QTMAN: variants seen among roughly 807,000 people sequenced by gnomAD.
The protein encoded by QTMAN is tRNA-queuosine alpha-mannosyltransferase.
the QTMAN span, among the ~76,000 whole-genome samples, chr2:143,984,317 C>A: frequency 6.6e-6 from 1 of 152,094 alleles, no homozygotes; most frequent in Non-Finnish European, 1.5e-5. Context: ...GAAAAAGCTG[C>A]CAAAGATAAT....
At chr2:144,102,671 G>C in the QTMAN span, among the ~76,000 whole-genome samples, 2 of 152,198 alleles carry the variant, frequency 1.3e-5, no homozygotes, top group Non-Finnish European at 2.9e-5. Flanking sequence ...ATCTGCTTAA[G>C]AATACACTCT....
At chr2:144,085,103 A>T in the QTMAN span, among the ~76,000 whole-genome samples, 1 of 152,250 alleles carries the variant, frequency 6.6e-6, no homozygotes. Flanking sequence ...TTTTCTGTAA[A>T]GAACTAGATT....
chr2:144,331,850 G>A, the QTMAN span, among the ~76,000 whole-genome samples: 11 of 152,226 alleles, frequency 7.2e-5, no homozygotes, highest in African/African-American at 2.2e-4. Context: ...GGCTGGCAGA[G>A]AGGAGTGGGG....
chr2:144,231,205 T>C, the QTMAN span, among the ~76,000 whole-genome samples: 12 of 152,164 alleles, frequency 7.9e-5, no homozygotes, highest in African/African-American at 2.9e-4. Context: ...TTACTCATTT[T>C]GACCACATAA....
the QTMAN span, among the ~76,000 whole-genome samples, chr2:144,301,389 C>T: frequency 6.6e-6 from 1 of 152,056 alleles, no homozygotes; most frequent in Non-Finnish European, 1.5e-5. Context: ...CGCCCAGCTA[C>T]TTTTTGTACT....
the QTMAN span, among the ~76,000 whole-genome samples, chr2:144,227,811 A>G: frequency 1.3e-5 from 2 of 152,204 alleles, no homozygotes; most frequent in Non-Finnish European, 2.9e-5. Context: ...ACTCATTCTA[A>G]TTCCCATTCT....
At chr2:143,941,424 C>T in the QTMAN span, 1 of 152,276 alleles carries the variant, frequency 6.6e-6, no homozygotes, top group African/African-American at 2.4e-5. Flanking sequence ...CCTGTAATCC[C>T]AGCACTTTGG....
the QTMAN span, among the ~76,000 whole-genome samples, chr2:143,998,495 T>A: frequency 6.6e-6 from 1 of 151,616 alleles, no homozygotes; most frequent in African/African-American, 2.4e-5. Context: ...AATTTTTTGG[T>A]ATGACTGACC....
At chr2:143,958,345 G>C in the QTMAN span, among the ~76,000 whole-genome samples, 5,796 of 152,156 alleles carry the variant, frequency 0.038, 371 homozygotes, top group African/African-American at 0.13. Context: ...GCAAGCAGCA[G>C]TTAAGAAGAG....
At chr2:144,222,612 T>C in the QTMAN span, among the ~76,000 whole-genome samples, 1 of 151,468 alleles carries the variant, frequency 6.6e-6, no homozygotes, top group Non-Finnish European at 1.5e-5. Flanking sequence ...CAAGACCATC[T>C]TGGCTAACAC....
chr2:144,043,630 C>T, the QTMAN span, among the ~76,000 whole-genome samples: 20 of 139,644 alleles, frequency 1.4e-4, no homozygotes, highest in Admixed American at 1.1e-3. Context: ...AAGACTCCGT[C>T]GCAAAAAAAA....
the QTMAN span, among the ~76,000 whole-genome samples, chr2:143,973,444 A>C: frequency 6.6e-6 from 1 of 152,204 alleles, no homozygotes; most frequent in East Asian, 1.9e-4. Context: ...TATGTCATGC[A>C]AACTTTAATA....
the QTMAN span, among the ~76,000 whole-genome samples, chr2:143,992,343 CG>C: frequency 1.4e-5 from 2 of 147,204 alleles, no homozygotes; most frequent in East Asian, 3.9e-4. Flanking sequence ...GCAGCATGCT[CG>C]TTAAGAGTCA....
the QTMAN span, chr2:143,945,806 A>G: frequency 6.6e-6 from 1 of 152,214 alleles, no homozygotes; most frequent in Non-Finnish European, 1.5e-5. Flanking sequence ...AACAGACTTT[A>G]CCTTAATGAC....
At chr2:144,046,854 T>C in the QTMAN span, among the ~76,000 whole-genome samples, 3 of 152,206 alleles carry the variant, frequency 2.0e-5, no homozygotes, top group African/African-American at 4.8e-5. Flanking sequence ...ACGGTACTTA[T>C]GAAGAAAGGA....
At chr2:144,139,143 G>C in the QTMAN span, among the ~76,000 whole-genome samples, 447 of 152,096 alleles carry the variant, frequency 2.9e-3, no homozygotes, top group Non-Finnish European at 5.4e-3. Context: ...GTAGGGTCTG[G>C]TAAGGCCAAA....
the QTMAN span, among the ~76,000 whole-genome samples, chr2:144,148,103 C>T: frequency 2.0e-5 from 3 of 151,766 alleles, no homozygotes; most frequent in Non-Finnish European, 4.4e-5. Flanking sequence ...TGAATATGGG[C>T]TAATTATAAG....
At chr2:144,178,591 T>C in the QTMAN span, 1 of 153,552 alleles carries the variant, frequency 6.5e-6, no homozygotes, top group Non-Finnish European at 1.4e-5. Flanking sequence ...GAAACCTCTC[T>C]CCTTTAACTT....
chr2:144,042,474 G>A, the QTMAN span, among the ~76,000 whole-genome samples: 3 of 152,090 alleles, frequency 2.0e-5, no homozygotes, highest in African/African-American at 7.2e-5. Context: ...GAACAATGAA[G>A]GCCGGGCGTG....
Sources: gnomAD v4.1 joint callset for allele counts (sites outside exome capture counted in the v4.1 genomes callset) on GRCh38, gnomAD v4.1.1 for gene constraint, MANE v1.5 for transcripts, NCBI Gene and HGNC (gene_info 2026-07-23, HGNC 2026-07-21) for gene names.